Variants in CWC27 observed in about 807,000 individuals in gnomAD.
The protein encoded by CWC27 is CWC27 spliceosome associated cyclophilin, also known as spliceosome-associated protein CWC27 homolog.
CWC27 carries 47 observed loss-of-function variants against 63.6 expected under a neutral mutation model. The ratio of observed to expected loss-of-function variants is 0.74; its 90% CI spans 0.58 to 0.94. CWC27 has a LOEUF of 0.94. CWC27 is among the 40% of genes least tolerant of loss of function. CWC27 has a pLI of 0.00. For missense variants in CWC27, 495 were observed against 554.3 expected, an observed-to-expected ratio of 0.89 and a Z score of 1.07; for synonymous variants, 175 against 179.8, an observed-to-expected ratio of 0.97 and a Z score of 0.22.
intron 10 of CWC27, chr5:64,845,124 T>C (rs1288890593): frequency 2.4e-6 from 1 of 417,420 alleles, no homozygotes; most frequent in Non-Finnish European, 4.8e-6. Flanking sequence ...AGCAGCCCCA[T>C]GTAACATCAG....
rs113547129 is a variant in CWC27, at chr5:64,807,735, C to T, written c.938+3349C>T. ...CTCCAGTGCTTCCTTATTACTCACT[C>T]GCCACAATGTTTACTTCACACTTCA... On this transcript the variant is annotated intron_variant, in intron 10 of 13. Coordinates refer to ENST00000381070, the MANE Select transcript of CWC27 (RefSeq NM_005869.4). 8.3e-4 allele frequency: 1,278 copies of T among 1,535,828 alleles called. 7 individuals carry two copies. In the African/African-American group the frequency reaches 0.014, roughly 17 times the overall value.
chr5:64,966,485 T>A (rs1238697287), intron 11 of CWC27, among the ~76,000 whole-genome samples: 2 of 152,146 alleles, frequency 1.3e-5, no homozygotes, highest in Non-Finnish European at 2.9e-5. Flanking sequence ...TATTTAATCC[T>A]CACAACAGCA....
At chr5:64,869,108 T>G in intron 10 of CWC27, among the ~76,000 whole-genome samples, 1 of 152,076 alleles carries the variant, frequency 6.6e-6, no homozygotes, top group Non-Finnish European at 1.5e-5. Context: ...TTAATAAATT[T>G]ACTTCATAAA....
At chr5:64,995,008 A>ATTT (rs72205192) in intron 13 of CWC27, among the ~76,000 whole-genome samples, 1 of 129,972 alleles carries the variant, frequency 7.7e-6, no homozygotes, top group Non-Finnish European at 1.6e-5. Context: ...AAGCTCTGAA[A>ATTT]TTTTTTTTTT....
At chr5:64,848,551 T>G (rs1251442389) in intron 10 of CWC27, among the ~76,000 whole-genome samples, 1 of 152,100 alleles carries the variant, frequency 6.6e-6, no homozygotes, top group Non-Finnish European at 1.5e-5. Context: ...AAATTACAAG[T>G]CAATATTCGT....
intron 10 of CWC27, chr5:64,807,855 T>A: frequency 6.6e-7 from 1 of 1,509,968 alleles, no homozygotes; most frequent in Non-Finnish European, 8.8e-7. Flanking sequence ...GCTTCGAGAG[T>A]AAAAACTAAC....
intron 11 of CWC27, among the ~76,000 whole-genome samples, chr5:64,934,791 C>T (rs1246399892): frequency 6.6e-6 from 1 of 152,186 alleles, no homozygotes; most frequent in East Asian, 1.9e-4. Context: ...TAATCATCAC[C>T]ATTCTAACTG....
rs551560409 is a variant in CWC27 at position 64,807,597 on chromosome 5, A to AGC, written c.938+3212_938+3213dup. 3,738 of 1,526,458 alleles carry AGC rather than the reference A, an allele frequency of 2.4e-3. 58 individuals are homozygous for AGC. The highest frequency in any genetic ancestry group is 0.011 in the South Asian group (915 of 82,344). 94.6% of individuals were successfully genotyped at this position (1,526,458 alleles called of 1,614,324 possible). ...AATGTACCAATCCCACTTTCTTTCCAGCCCACCTTCTCTATGCCTGTATCT... is the reference window on the plus strand; with the variant it reads ...AATGTACCAATCCCACTTTCTTTCCAGCGCCCACCTTCTCTATGCCTGTATCT... On this transcript the variant is annotated intron_variant, in intron 10 of 13. Transcript: ENST00000381070.
chr5:64,796,195 A>G (rs1744260321), intron 7 of CWC27, among the ~76,000 whole-genome samples: 1 of 152,054 alleles, frequency 6.6e-6, no homozygotes, highest in African/African-American at 2.4e-5. Context: ...AAGGTCTCTT[A>G]GTGTATTAGT....
At chr5:64,842,454 C>A (rs758860946) in intron 10 of CWC27, among the ~76,000 whole-genome samples, 1 of 152,070 alleles carries the variant, frequency 6.6e-6, no homozygotes, top group Non-Finnish European at 1.5e-5. Context: ...CAGGCACCCG[C>A]CACCATGCTG....
intron 11 of CWC27, among the ~76,000 whole-genome samples, chr5:64,902,631 G>A (rs1434814898): frequency 9.2e-5 from 14 of 151,978 alleles, no homozygotes; most frequent in Admixed American, 8.5e-4. Flanking sequence ...GATCACTATG[G>A]TTTTATAAGT....
At chr5:64,855,823 TGGG>T (rs1381487200) in intron 10 of CWC27, among the ~76,000 whole-genome samples, 2 of 152,094 alleles carry the variant, frequency 1.3e-5, no homozygotes, top group African/African-American at 4.8e-5. Context: ...ATCAAATACA[TGGG>T]AATAACCTTT....
At position 64,783,476 on chromosome 5, in the gene CWC27, A is replaced by G. The variant is rs539349927; in HGVS notation, c.253-360A>G. 7.9e-5 allele frequency among the ~76,000 whole-genome samples: 12 copies of G among 152,344 alleles called. No homozygotes were observed. In the East Asian group the frequency reaches 2.1e-3, roughly 27 times the overall value. Reference sequence around the variant, plus strand: ...AGGAGTAATAATTGAATACTCTGCAATGGCTCAAAGGTAGTTTTCTGGGAG... The same window carrying G: ...AGGAGTAATAATTGAATACTCTGCAGTGGCTCAAAGGTAGTTTTCTGGGAG... On this transcript the variant is annotated intron_variant, in intron 3 of 13. Transcript: ENST00000381070.
In CWC27 at chr5:64,855,317, C is replaced by G. The variant is rs553560588; in HGVS notation, c.939-30126C>G. On this transcript the variant is annotated intron_variant, in intron 10 of 13. Coordinates refer to ENST00000381070, the MANE Select transcript of CWC27 (RefSeq NM_005869.4). ...TTGCAGTGAGTGAAATCAGCATTCTCAGAGACTAGTGTTTGCAACTAGAAA... is the reference window on the plus strand; with the variant it reads ...TTGCAGTGAGTGAAATCAGCATTCTGAGAGACTAGTGTTTGCAACTAGAAA... Among the ~76,000 whole-genome samples the G allele has an allele frequency of 7.4e-4, 113 of 152,238 alleles. 4 individuals are homozygous for G. The South Asian group carries it at 0.017, about 23-fold the overall frequency.
At chr5:64,991,215 A>G (rs1040387968) in intron 13 of CWC27, among the ~76,000 whole-genome samples, 6 of 152,210 alleles carry the variant, frequency 3.9e-5, no homozygotes, top group Non-Finnish European at 7.3e-5. Context: ...TGGGATTGTT[A>G]TCCTTTTGTT....
rs931754494 is a variant in CWC27 at position 64,858,472 on chromosome 5, T to C, written c.939-26971T>C. On this transcript the variant is annotated intron_variant, in intron 10 of 13. Transcript: ENST00000381070. ...GTGAGACTCCATCTCAAAATAATAA[T>C]AATAATAATAATAATAATAATAATA... Among the ~76,000 whole-genome samples the C allele has an allele frequency of 7.7e-4, 47 of 61,146 alleles. No individual in the cohort carries two copies. In the South Asian group the frequency reaches 8.5e-3, roughly 11 times the overall value. 40.1% of individuals were successfully genotyped at this position (61,146 alleles called of 152,430 possible). A position where few individuals can be genotyped will look rare whatever the true frequency, so the allele number is the denominator to read the frequency against.
chr5:65,003,558 G>A (rs1483596778), intron 13 of CWC27, among the ~76,000 whole-genome samples: 1 of 152,168 alleles, frequency 6.6e-6, no homozygotes, highest in South Asian at 2.1e-4. Context: ...AGGTATACGA[G>A]TCCCTTAAGC....
At chr5:64,854,117 G>T (rs191215997) in intron 10 of CWC27, among the ~76,000 whole-genome samples, 306 of 152,250 alleles carry the variant, frequency 2.0e-3, no homozygotes, top group Non-Finnish European at 3.1e-3. Context: ...CAAAGTTTAT[G>T]CAGGTCATAC....
chr5:65,009,625 G>C (rs1749910155), intron 13 of CWC27, among the ~76,000 whole-genome samples: 1 of 152,128 alleles, frequency 6.6e-6, no homozygotes, highest in African/African-American at 2.4e-5. Context: ...TGTGATTAGT[G>C]TCCTCATAAG....
Sources: allele counts gnomAD v4.1 joint callset (sites outside exome capture counted in the v4.1 genomes callset), GRCh38; gene constraint gnomAD v4.1.1; transcripts MANE v1.5; gene names NCBI Gene and HGNC (gene_info 2026-07-23, HGNC 2026-07-21).